PARVA: variants seen among roughly 807,000 people sequenced by gnomAD.
PARVA encodes the protein alpha-parvin.
A neutral mutation model predicts 52.6 loss-of-function variants in PARVA; 25 were observed. The observed-to-expected ratio is 0.48, with a 90% CI of 0.35 to 0.66. The LOEUF (loss-of-function observed/expected upper bound fraction) is 0.66. Among genes scored for constraint, PARVA ranks in the 30% least tolerant of loss-of-function variants. The pLI is 0.01. For synonymous variants in PARVA, 185 were observed against 179.1 expected (o/e 1.03, Z -0.26); for missense variants, 373 against 450.9 (o/e 0.83, Z 1.56).
intron 1 of PARVA, among the ~76,000 whole-genome samples, chr11:12,472,000 TGAGA>T (rs1295271606): frequency 6.6e-6 from 1 of 152,190 alleles, no homozygotes; most frequent in Non-Finnish European, 1.5e-5. Flanking sequence ...AGAAATAGCC[TGAGA>T]AAGAAAGAAA....
intron 1 of PARVA, among the ~76,000 whole-genome samples, chr11:12,405,930 C>T (rs150845942): frequency 1.8e-3 from 273 of 152,266 alleles, no homozygotes; most frequent in African/African-American, 6.1e-3. Flanking sequence ...TGCACTCCAG[C>T]CTGGGTGACA....
rs1242150168 is a variant in PARVA, at chr11:12,531,952, C to T, written c.*4027C>T. 6.6e-6 allele frequency among the ~76,000 whole-genome samples: 1 copy of T among 152,150 alleles called. No individual in the cohort carries two copies. The highest frequency in any genetic ancestry group is 1.5e-5 in the Non-Finnish European group (1 of 68,034). Reference sequence around the variant, plus strand: ...AAAGTCAGTATGAGTTACTCACAATCCTAACTACAAAGGCTACATTTACAA... The same window carrying T: ...AAAGTCAGTATGAGTTACTCACAATTCTAACTACAAAGGCTACATTTACAA... On this transcript the variant is annotated 3_prime_UTR_variant, in exon 13 of 13. Coordinates refer to ENST00000334956, the MANE Select transcript of PARVA (RefSeq NM_018222.5).
intron 4 of PARVA, among the ~76,000 whole-genome samples, chr11:12,493,192 C>A (rs1219091190): frequency 6.6e-6 from 1 of 151,666 alleles, no homozygotes; most frequent in Non-Finnish European, 1.5e-5. Context: ...CCCATCTCTA[C>A]TAAAAATACA....
rs1189569152 is a variant in PARVA at position 12,528,016 on chromosome 11, C to T, written c.*91C>T. On this transcript the variant is annotated 3_prime_UTR_variant, in exon 13 of 13. Coordinates refer to ENST00000334956, the MANE Select transcript of PARVA (RefSeq NM_018222.5). ...ACTGCCTTACCCTGCTTATTCCTGT[C>T]TCTTGCACTGTGCTCTCCCACAAGT... 2 of 885,042 alleles carry T rather than the reference C, an allele frequency of 2.3e-6. No homozygotes were observed. The highest frequency in any genetic ancestry group is 3.3e-5 in the African/African-American group (2 of 60,950). The allele number at this position is 885,042 out of a possible 1,614,324, so 54.8% of individuals were successfully genotyped here. A position where few individuals can be genotyped will look rare whatever the true frequency, so the allele number is the denominator to read the frequency against.
At chr11:12,463,976 C>CT (rs71037069) in intron 1 of PARVA, among the ~76,000 whole-genome samples, 124,887 of 135,476 alleles carry the variant, frequency 0.92, 58,146 homozygotes, top group Non-Finnish European at 0.98. Context: ...GACATCCCTC[C>CT]TTTTTTTTTT....
intron 12 of PARVA, among the ~76,000 whole-genome samples, chr11:12,519,877 G>T (rs1456763519): frequency 1.3e-5 from 2 of 152,174 alleles, no homozygotes; most frequent in African/African-American, 4.8e-5. Context: ...CTTTGGCAAG[G>T]CCACTCCAGC....
At chr11:12,442,155 G>C (rs987483141) in intron 1 of PARVA, among the ~76,000 whole-genome samples, 3 of 152,238 alleles carry the variant, frequency 2.0e-5, no homozygotes, top group African/African-American at 7.2e-5. Context: ...GAGCAAGTGA[G>C]AAGTAGCGAG....
intron 7 of PARVA, among the ~76,000 whole-genome samples, chr11:12,509,141 A>C (rs11022378): frequency 0.39 from 56,793 of 146,070 alleles, 12,748 homozygotes; most frequent in East Asian, 0.57. Context: ...AAATTTTGCC[A>C]TGGGGAACAG....
chr11:12,517,755 CCT>C (rs757003003), intron 11 of PARVA, 44 bp downstream of exon 11: 8 of 1,362,684 alleles, frequency 5.9e-6, no homozygotes, highest in Non-Finnish European at 7.2e-6. Context: ...GCCCACATCC[CCT>C]GACTCATGTG....
chr11:12,396,857 T>C (rs752888521), intron 1 of PARVA, among the ~76,000 whole-genome samples: 2 of 152,198 alleles, frequency 1.3e-5, no homozygotes, highest in Admixed American at 1.3e-4. Flanking sequence ...ACTGTAGTAG[T>C]GTAGCCTGTG....
intron 1 of PARVA, among the ~76,000 whole-genome samples, chr11:12,386,006 AC>A (rs1465592717): frequency 6.6e-6 from 1 of 152,194 alleles, no homozygotes; most frequent in East Asian, 1.9e-4. Flanking sequence ...TTCAGCCTTC[AC>A]AAGTGCTCTG....
intron 1 of PARVA, among the ~76,000 whole-genome samples, chr11:12,448,092 T>C (rs1937201091): frequency 6.6e-6 from 1 of 152,184 alleles, no homozygotes; most frequent in African/African-American, 2.4e-5. Flanking sequence ...GTGTATAAAT[T>C]ACAATTGAAT....
chr11:12,507,998 G>A (rs944025851), intron 6 of PARVA, among the ~76,000 whole-genome samples: 16 of 150,930 alleles, frequency 1.1e-4, no homozygotes, highest in African/African-American at 3.4e-4. Flanking sequence ...ATGGACGGAC[G>A]GACGGACGAG....
At chr11:12,499,298 A>T (rs541921196) in intron 5 of PARVA, among the ~76,000 whole-genome samples, 9 of 152,226 alleles carry the variant, frequency 5.9e-5, no homozygotes, top group African/African-American at 2.2e-4. Context: ...CTGGGGGAAA[A>T]GCTCTGTCTC....
At chr11:12,487,853 G>C (rs1941181197) in intron 4 of PARVA, among the ~76,000 whole-genome samples, 1 of 152,146 alleles carries the variant, frequency 6.6e-6, no homozygotes, top group African/African-American at 2.4e-5. Flanking sequence ...TGTATGCATA[G>C]AATATTTCTC....
rs1198172663 is a variant in PARVA, at chr11:12,414,800, C to A, written c.136+37017C>A. Among the ~76,000 whole-genome samples, 6 of 152,232 alleles carry A rather than the reference C, an allele frequency of 3.9e-5. No individual in the cohort carries two copies. The East Asian group carries it at 1.2e-3, about 29-fold the overall frequency. On this transcript the variant is annotated intron_variant, in intron 1 of 12. Transcript: ENST00000334956. Reference sequence around the variant, plus strand: ...TACAGCGTTAGTTGCGTGGAGCCATCTGCAGGGCTAGGCCAGGAGTTCTGT... The same window carrying A: ...TACAGCGTTAGTTGCGTGGAGCCATATGCAGGGCTAGGCCAGGAGTTCTGT...
chr11:12,482,234 G>C (rs1941098013), intron 4 of PARVA, among the ~76,000 whole-genome samples: 1 of 151,658 alleles, frequency 6.6e-6, no homozygotes, highest in Non-Finnish European at 1.5e-5. Flanking sequence ...GTGGAGCAAA[G>C]ACCCAGAACC....
chr11:12,531,551 T>C lies in PARVA; in HGVS notation c.*3626T>C, dbSNP rs909834414. Among the ~76,000 whole-genome samples, 5 of 152,066 alleles carry C rather than the reference T, an allele frequency of 3.3e-5. No homozygotes were observed. The highest frequency in any genetic ancestry group is 7.2e-5 in the African/African-American group (3 of 41,394). ...AATTATCACTCATTTATTTTTCCACTGGAAAATAAGACTAGATGGAGTCGG... is the reference window on the plus strand; with the variant it reads ...AATTATCACTCATTTATTTTTCCACCGGAAAATAAGACTAGATGGAGTCGG... On this transcript the variant is annotated 3_prime_UTR_variant, in exon 13 of 13. Transcript: ENST00000334956.
chr11:12,452,916 A>C (rs1364290061), intron 1 of PARVA: 11 of 437,776 alleles, frequency 2.5e-5, no homozygotes, highest in South Asian at 1.8e-4. Flanking sequence ...ACAGACCTCC[A>C]GTTGGTCTGA....
Sources: allele counts gnomAD v4.1 joint callset (sites outside exome capture counted in the v4.1 genomes callset), GRCh38; gene constraint gnomAD v4.1.1; transcripts MANE v1.5; gene names NCBI Gene and HGNC (gene_info 2026-07-23, HGNC 2026-07-21).